The following DHRSX variants were observed in gnomAD, a reference collection of about 807,000 sequenced individuals.
DHRSX encodes dehydrogenase/reductase X-linked.
In DHRSX, 31 loss-of-function variants were observed where a neutral mutation model predicts 34.0. The ratio of observed to expected loss-of-function variants is 0.91; its 90% CI spans 0.69 to 1.23. The LOEUF (loss-of-function observed/expected upper bound fraction) is 1.23, where lower values mean the gene tolerates loss of function less well. Ranked by LOEUF, DHRSX falls within the 50% of genes most tolerant of loss-of-function variation. DHRSX has a pLI of 0.00. For missense variants in DHRSX, 414 were observed against 428.1 expected (o/e 0.97, Z 0.29); for synonymous variants, 201 against 183.8 (o/e 1.09, Z -0.76).
intron 1 of DHRSX, among the ~76,000 whole-genome samples, chrX:2,439,544 G>T (rs1450441941): frequency 1.3e-5 from 2 of 152,246 alleles, no homozygotes; most frequent in East Asian, 3.9e-4. Context: ...TATTTATCAT[G>T]CACTTTATTT....
intron 2 of DHRSX, among the ~76,000 whole-genome samples, chrX:2,424,681 A>G (rs779963628): frequency 6.6e-6 from 1 of 152,336 alleles, no homozygotes; most frequent in Admixed American, 6.5e-5. Flanking sequence ...ATATTTAAGC[A>G]GAATATATAT....
At chrX:2,453,498 A>C (rs187293469) in intron 1 of DHRSX, among the ~76,000 whole-genome samples, 6 of 151,554 alleles carry the variant, frequency 4.0e-5, no homozygotes, top group East Asian at 1.9e-4. Flanking sequence ...ATAGCAAGAC[A>C]CCATCTCTAC....
intron 3 of DHRSX, among the ~76,000 whole-genome samples, chrX:2,405,360 C>A (rs753919856): frequency 6.6e-6 from 1 of 151,782 alleles, no homozygotes; most frequent in Non-Finnish European, 1.5e-5. Flanking sequence ...GGTGGGTGGG[C>A]GCCTGTAATC....
At chrX:2,386,881 TG>T (rs1214754644) in intron 3 of DHRSX, among the ~76,000 whole-genome samples, 69 of 128,854 alleles carry the variant, frequency 5.4e-4, no homozygotes, top group Middle Eastern at 8.3e-3. Context: ...TTGATGGTTT[TG>T]TTTTTTTTTT....
intron 3 of DHRSX, among the ~76,000 whole-genome samples, chrX:2,306,333 C>G (rs1465694635): frequency 6.6e-6 from 1 of 152,064 alleles, no homozygotes; most frequent in Admixed American, 6.6e-5. Flanking sequence ...ACATCAAGCC[C>G]TGCAGCAGGG....
intron 1 of DHRSX, among the ~76,000 whole-genome samples, chrX:2,468,805 G>C (rs7050226): frequency 0.18 from 27,834 of 151,834 alleles, 3,494 homozygotes; most frequent in African/African-American, 0.36. Flanking sequence ...GTGGTCCAAA[G>C]GACTGCTGCC....
chrX:2,485,529 G>A (rs2044869092), intron 1 of DHRSX, among the ~76,000 whole-genome samples: 1 of 147,122 alleles, frequency 6.8e-6, no homozygotes, highest in Non-Finnish European at 1.5e-5. Context: ...GAAAGAGGAA[G>A]GGAGGGAGGG....
intron 1 of DHRSX, among the ~76,000 whole-genome samples, chrX:2,455,598 G>A (rs925265048): frequency 4.6e-5 from 7 of 151,748 alleles, no homozygotes; most frequent in Admixed American, 2.0e-4. Context: ...AAAATTAGTC[G>A]GGCATGGTGG....
intron 3 of DHRSX, among the ~76,000 whole-genome samples, chrX:2,364,640 A>AT (rs2042976654): frequency 6.6e-6 from 1 of 152,050 alleles, no homozygotes; most frequent in Non-Finnish European, 1.5e-5. Context: ...TTATCTATCT[A>AT]CCATCATTTA....
intron 2 of DHRSX, among the ~76,000 whole-genome samples, chrX:2,424,057 G>A (rs35578684): frequency 6.6e-6 from 1 of 152,074 alleles, no homozygotes; most frequent in African/African-American, 2.4e-5. Context: ...GGTCTTTAAA[G>A]TGGTGATTAA....
At chrX:2,353,918 C>G (rs912582739) in intron 3 of DHRSX, among the ~76,000 whole-genome samples, 4 of 152,076 alleles carry the variant, frequency 2.6e-5, no homozygotes, top group Non-Finnish European at 5.9e-5. Flanking sequence ...ATGCACACAC[C>G]TCAGTTTGGA....
intron 3 of DHRSX, among the ~76,000 whole-genome samples, chrX:2,363,583 T>G (rs935182766): frequency 1.3e-5 from 2 of 148,828 alleles, no homozygotes; most frequent in Admixed American, 6.6e-5. Flanking sequence ...ATGCTGCCAT[T>G]TCATCACTGT....
chrX:2,489,077 A>G, intron 1 of DHRSX: 1 of 1,613,894 alleles, frequency 6.2e-7, no homozygotes, highest in South Asian at 1.1e-5. Context: ...GATCTCGGCC[A>G]GCATGTTGTT....
intron 3 of DHRSX, among the ~76,000 whole-genome samples, chrX:2,360,500 T>G (rs1194346929): frequency 6.6e-6 from 1 of 152,046 alleles, no homozygotes; most frequent in African/African-American, 2.4e-5. Flanking sequence ...GGAGAATCGC[T>G]TGAACCCGGG....
chrX:2,465,451 T>C (rs142984299), intron 1 of DHRSX, among the ~76,000 whole-genome samples: 4,203 of 152,074 alleles, frequency 0.028, 83 homozygotes, highest in Admixed American at 0.053. Context: ...GAGTAAAACT[T>C]TGGCAATGTC....
intron 1 of DHRSX, among the ~76,000 whole-genome samples, chrX:2,480,863 GAAAT>G (rs1317631432): frequency 6.6e-6 from 1 of 151,900 alleles, no homozygotes; most frequent in Non-Finnish European, 1.5e-5. Context: ...TTAGATAGAA[GAAAT>G]AAATTCAAAG....
At chrX:2,304,887 T>G (rs1310659473) in intron 3 of DHRSX, among the ~76,000 whole-genome samples, 1 of 152,040 alleles carries the variant, frequency 6.6e-6, no homozygotes, top group African/African-American at 2.4e-5. Context: ...ATCATTCTAT[T>G]ATAAAGATAC....
chrX:2,360,559 G>GT (rs1369035852), intron 3 of DHRSX, among the ~76,000 whole-genome samples: 2 of 151,936 alleles, frequency 1.3e-5, no homozygotes, highest in African/African-American at 4.8e-5. Context: ...CTCCAGCCTG[G>GT]GCAACAGAGT....
At chrX:2,373,603 G>T (rs73191317) in intron 3 of DHRSX, among the ~76,000 whole-genome samples, 4 of 151,996 alleles carry the variant, frequency 2.6e-5, no homozygotes, top group Non-Finnish European at 5.9e-5. Flanking sequence ...CCGCTGAACC[G>T]AGTCACCCTG....
Sources: allele counts gnomAD v4.1 joint callset (sites outside exome capture counted in the v4.1 genomes callset), GRCh38; gene constraint gnomAD v4.1.1; transcripts MANE v1.5; gene names NCBI Gene and HGNC (gene_info 2026-07-23, HGNC 2026-07-21).